The following TIMP2 variants were observed in gnomAD, a reference collection of about 807,000 sequenced individuals.
TIMP2 encodes the protein metalloproteinase inhibitor 2.
In TIMP2, 5 loss-of-function variants were observed where a neutral mutation model predicts 24.3. The observed-to-expected ratio is 0.21, with a 90% confidence interval of 0.11 to 0.43. The LOEUF is 0.43. TIMP2 is among the 20% of genes least tolerant of loss of function. The pLI is 1.00. For synonymous variants in TIMP2, 130 were observed against 123.2 expected (o/e 1.06, Z -0.37); for missense variants, 221 against 297.5 (o/e 0.74, Z 1.89).
intron 1 of TIMP2, chr17:78,922,348 G>A (rs532145478): frequency 2.0e-5 from 3 of 152,344 alleles, no homozygotes; most frequent in African/African-American, 7.2e-5. Context: ...GGGTGACTGG[G>A]AATAAGAGAA....
chr17:78,880,336 G>A (rs767471631), intron 1 of TIMP2, among the ~76,000 whole-genome samples: 7 of 152,160 alleles, frequency 4.6e-5, no homozygotes, highest in South Asian at 4.1e-4. Flanking sequence ...AAGTTCCTGC[G>A]GAAAATAAGA....
chr17:78,855,756 C>T lies in TIMP2; in HGVS notation c.574G>A (p.Ala192Thr), dbSNP rs753641012. 1.2e-5 allele frequency: 20 copies of T among 1,614,052 alleles called. No individual in the cohort carries two copies. The highest frequency in any genetic ancestry group is 1.6e-4 in the Middle Eastern group (1 of 6,084). ...NINGHQAKFFACIKRSDGSCA... is the reference protein window; with the variant it reads ...NINGHQAKFFTCIKRSDGSCA... The stretch of plus-strand genomic sequence containing the variant: ...GAGCCGTCACTTCTCTTGATGCAGG[C>T]GAAGAACTTGGCCTGGTGCCCGTTG... Residue 192 changes from alanine to threonine, a missense_variant, in exon 5 of 5, where the codon GCC becomes ACC. Transcript: ENST00000262768. The surrounding 1 kb of genome is among the most constrained non-coding windows in gnomAD (Gnocchi z 6.0).
At chr17:78,876,930 C>T (rs191874757) in intron 1 of TIMP2, among the ~76,000 whole-genome samples, 1 of 152,206 alleles carries the variant, frequency 6.6e-6, no homozygotes, top group African/African-American at 2.4e-5. Flanking sequence ...TTTCTGTCTT[C>T]CTCTGGGAAA....
intron 2 of TIMP2, among the ~76,000 whole-genome samples, chr17:78,872,152 CTT>C (rs879470838): frequency 4.9e-5 from 7 of 141,656 alleles, no homozygotes; most frequent in Admixed American, 7.2e-5. Flanking sequence ...CCATGCTTGG[CTT>C]TTTTTTTTTT....
rs189190107 is a variant in TIMP2, at chr17:78,906,368, A to C, written c.130+18591T>G. On this transcript the variant is annotated intron_variant, in intron 1 of 4. Transcript: ENST00000262768. ...GAGTGACAGAGCAAGGTCCTGCCTC[A>C]AAAAAAAGAAAAACCCAAAACTTGA... Among the ~76,000 whole-genome samples the C allele has an allele frequency of 5.9e-3, 902 of 152,058 alleles. 6 individuals are homozygous for C. Among genetic ancestry groups the C allele is most frequent in the Non-Finnish European group, 7.5e-3 (510 of 67,984 alleles).
chr17:78,885,930 G>A lies in TIMP2; in HGVS notation c.131-12011C>T, dbSNP rs117647110. 2.1e-3 allele frequency among the ~76,000 whole-genome samples: 326 copies of A among 152,302 alleles called. 6 individuals are homozygous for A. The East Asian group carries it at 0.051, about 24-fold the overall frequency. The stretch of plus-strand genomic sequence containing the variant: ...GTCCAGCTGTGCCAAGGTGACCAAG[G>A]GGGGAGGGGAACACAGGCACTGCCA... On this transcript the variant is annotated intron_variant, in intron 1 of 4. Coordinates refer to ENST00000262768, the MANE Select transcript of TIMP2 (RefSeq NM_003255.5).
At chr17:78,894,221 T>G (rs2069963429) in intron 1 of TIMP2, among the ~76,000 whole-genome samples, 2 of 151,974 alleles carry the variant, frequency 1.3e-5, no homozygotes, top group Non-Finnish European at 2.9e-5. Flanking sequence ...ACAGGGAAAC[T>G]GAGGCAGGCA....
intron 1 of TIMP2, among the ~76,000 whole-genome samples, chr17:78,918,054 G>T (rs1350517557): frequency 1.5e-5 from 1 of 67,216 alleles, no homozygotes; most frequent in South Asian, 3.8e-4. Context: ...ACACGTACGC[G>T]TGCACACACA....
At chr17:78,859,663 A>G (rs1383715971) in intron 3 of TIMP2, among the ~76,000 whole-genome samples, 1 of 151,792 alleles carries the variant, frequency 6.6e-6, no homozygotes, top group Non-Finnish European at 1.5e-5. Context: ...CTCCATCTCA[A>G]AAAAGAAAAT....
chr17:78,864,387 C>CCCTCCCTT (rs1245776401), intron 3 of TIMP2, among the ~76,000 whole-genome samples: 3 of 145,504 alleles, frequency 2.1e-5, no homozygotes, highest in Non-Finnish European at 4.5e-5. Context: ...CTTCCTCCCT[C>CCCTCCCTT]CCTTCCTTCC....
At chr17:78,898,291 A>C (rs2070034560) in intron 1 of TIMP2, 1 of 152,278 alleles carries the variant, frequency 6.6e-6, no homozygotes, top group South Asian at 2.1e-4. Flanking sequence ...AACTTGCCTA[A>C]GGCCACATAG....
intron 1 of TIMP2, among the ~76,000 whole-genome samples, chr17:78,887,323 C>G (rs1430804021): frequency 6.6e-6 from 1 of 152,176 alleles, no homozygotes; most frequent in Non-Finnish European, 1.5e-5. Flanking sequence ...TCCTGTGGTT[C>G]CATGTGTGTG....
At position 78,891,830 on chromosome 17, in the gene TIMP2, C is replaced by T; in HGVS notation, c.131-17911G>A. The T allele has an allele frequency of 1.3e-6, 2 of 1,550,854 alleles. No individual in the cohort carries two copies. The highest frequency in any genetic ancestry group is 2.4e-5 in the South Asian group (2 of 84,064). On this transcript the variant is annotated intron_variant, in intron 1 of 4. Coordinates refer to ENST00000262768, the MANE Select transcript of TIMP2 (RefSeq NM_003255.5). This position sits in a 1 kb window ranked among gnomAD's most constrained non-coding sequence, Gnocchi z 4.5. The stretch of plus-strand genomic sequence containing the variant: ...AGACTTGGTCGAAGGTTCTGGCCTT[C>T]CCTTTCTCTTCTCAGGCGGGGCCAG...
At chr17:78,916,920 C>T (rs1184443129) in intron 1 of TIMP2, among the ~76,000 whole-genome samples, 3 of 152,238 alleles carry the variant, frequency 2.0e-5, no homozygotes, top group African/African-American at 7.2e-5. Flanking sequence ...AGATCCACCC[C>T]TCAGGGCCCA....
At chr17:78,918,607 G>A (rs1010564824) in intron 1 of TIMP2, among the ~76,000 whole-genome samples, 12 of 152,102 alleles carry the variant, frequency 7.9e-5, no homozygotes, top group African/African-American at 1.9e-4. Flanking sequence ...TCCACCCCCC[G>A]ACACTGAGGT....
chr17:78,919,056 G>A (rs1223725461), intron 1 of TIMP2, among the ~76,000 whole-genome samples: 1 of 152,140 alleles, frequency 6.6e-6, no homozygotes, highest in Admixed American at 6.5e-5. Flanking sequence ...TCTTAGCACC[G>A]AGGCTGTACT....
intron 3 of TIMP2, among the ~76,000 whole-genome samples, chr17:78,868,044 T>C (rs970275816): frequency 6.6e-5 from 10 of 152,174 alleles, no homozygotes; most frequent in Non-Finnish European, 7.3e-5. Context: ...GAATCTCCCA[T>C]TGTCTCTAAC....
intron 2 of TIMP2, among the ~76,000 whole-genome samples, chr17:78,871,449 CAAAA>C (rs749440079): frequency 8.2e-6 from 1 of 122,562 alleles, no homozygotes; most frequent in African/African-American, 3.1e-5. Context: ...AAGACTCCGT[CAAAA>C]AAAAAAAAAA....
At chr17:78,880,132 C>T (rs893237169) in intron 1 of TIMP2, among the ~76,000 whole-genome samples, 6 of 152,088 alleles carry the variant, frequency 3.9e-5, no homozygotes, top group Non-Finnish European at 7.4e-5. Flanking sequence ...GCCGGAGGGG[C>T]GGCACTCTCC....
Sources: gnomAD v4.1 joint callset for allele counts (sites outside exome capture counted in the v4.1 genomes callset) on GRCh38, gnomAD v4.1.1 for gene constraint, Gnocchi (gnomAD v3.1) non-coding constraint, MANE v1.5 for transcripts, NCBI Gene and HGNC (gene_info 2026-07-23, HGNC 2026-07-21) for gene names.